Variants in TYW1 observed in about 807,000 individuals in gnomAD.
The protein encoded by TYW1 is tRNA-yW synthesizing protein 1 homolog.
TYW1 carries 46 observed loss-of-function variants against 96.2 expected under a neutral mutation model. That is an observed-to-expected ratio of 0.48 (90% CI 0.38 to 0.61). The LOEUF (loss-of-function observed/expected upper bound fraction) is 0.61. TYW1 is among the 20% of genes least tolerant of loss of function. TYW1 has a pLI of 0.00. For missense variants in TYW1, 684 were observed against 909.6 expected, an observed-to-expected ratio of 0.75 and a Z score of 3.19; for synonymous variants, 274 against 323.0, an observed-to-expected ratio of 0.85 and a Z score of 1.63.
intron 13 of TYW1, among the ~76,000 whole-genome samples, chr7:67,140,393 T>A (rs1416410575): frequency 6.6e-6 from 1 of 152,192 alleles, no homozygotes. Context: ...AAAGACTTTT[T>A]AAATACAATT....
chr7:67,237,167 T>C (rs899307321), intron 15 of TYW1, among the ~76,000 whole-genome samples: 6 of 149,806 alleles, frequency 4.0e-5, no homozygotes, highest in African/African-American at 1.2e-4. Context: ...ATGACAGGCG[T>C]GAGCCACCGT....
intron 13 of TYW1, among the ~76,000 whole-genome samples, chr7:67,177,350 C>T (rs185581392): frequency 1.3e-3 from 191 of 151,584 alleles, no homozygotes; most frequent in Middle Eastern, 6.8e-3. Context: ...ATGAAAGAAA[C>T]GCTAATAAGG....
At position 67,081,891 on chromosome 7, in the gene TYW1, G is replaced by C. The variant is rs955879206; in HGVS notation, c.1275-1539G>C. On this transcript the variant is annotated intron_variant, in intron 10 of 15. Transcript: ENST00000359626. ...AATTCAGACATTGTTTGTTCTCCTT[G>C]ATCTAGTATGTTGTTGAAACTCTGA... is the stretch of plus-strand genomic sequence containing the variant. Among the ~76,000 whole-genome samples the C allele has an allele frequency of 3.5e-5, 5 of 142,052 alleles. No individual in the cohort carries two copies. In the Admixed American group the frequency reaches 3.7e-4, roughly 10 times the overall value. 93.2% of individuals were successfully genotyped at this position (142,052 alleles called of 152,430 possible).
At chr7:67,093,658 CTTGAG>C (rs1796792791) in intron 11 of TYW1, among the ~76,000 whole-genome samples, 1 of 152,110 alleles carries the variant, frequency 6.6e-6, no homozygotes, top group South Asian at 2.1e-4. Flanking sequence ...CCTTGTTTTA[CTTGAG>C]TTAAGATCTT....
At chr7:67,106,769 C>T (rs1797257454) in intron 12 of TYW1, among the ~76,000 whole-genome samples, 1 of 152,128 alleles carries the variant, frequency 6.6e-6, no homozygotes, top group African/African-American at 2.4e-5. Context: ...CATTTAGAAT[C>T]TCATAGCTCT....
rs555679919 is a variant in TYW1 at position 67,107,090 on chromosome 7, G to A, written c.1562+8372G>A. The stretch of plus-strand genomic sequence containing the variant: ...CTCTATAAACTGGATGTCTCTTTAC[G>A]TATTAGGTGCATAGTATATGTTTGA... On this transcript the variant is annotated intron_variant, in intron 12 of 15. Coordinates refer to ENST00000359626, the MANE Select transcript of TYW1 (RefSeq NM_018264.4). 5.3e-5 allele frequency among the ~76,000 whole-genome samples: 8 copies of A among 152,242 alleles called. No homozygotes were observed. In the South Asian group the frequency reaches 6.2e-4, roughly 12 times the overall value.
intron 13 of TYW1, among the ~76,000 whole-genome samples, chr7:67,157,956 AG>A (rs1319541586): frequency 6.6e-6 from 1 of 152,240 alleles, no homozygotes; most frequent in East Asian, 1.9e-4. Flanking sequence ...TGATTAGTAA[AG>A]ACTGTTATGT....
intron 12 of TYW1, among the ~76,000 whole-genome samples, chr7:67,102,787 G>T (rs1348366136): frequency 6.6e-6 from 1 of 152,132 alleles, no homozygotes; most frequent in Non-Finnish European, 1.5e-5. Context: ...GAGTAGCTGG[G>T]ACTACAGGCA....
At chr7:67,008,619 TC>T (rs1280144628) in intron 3 of TYW1, among the ~76,000 whole-genome samples, 1 of 152,216 alleles carries the variant, frequency 6.6e-6, no homozygotes, top group African/African-American at 2.4e-5. Flanking sequence ...TCAACCGGCT[TC>T]TTTTCATGTT....
intron 11 of TYW1, among the ~76,000 whole-genome samples, chr7:67,090,214 A>G (rs2115811711): frequency 6.6e-6 from 1 of 152,310 alleles, no homozygotes; most frequent in East Asian, 1.9e-4. Flanking sequence ...TGTTTTCAGA[A>G]ACTAATTTAT....
At chr7:67,077,380 C>T (rs1216710160) in intron 10 of TYW1, among the ~76,000 whole-genome samples, 1 of 152,110 alleles carries the variant, frequency 6.6e-6, no homozygotes, top group Non-Finnish European at 1.5e-5. Context: ...ATAAGAGTTC[C>T]CTTTCTCCAC....
At chr7:67,197,536 G>A (rs1448363432) in intron 15 of TYW1, among the ~76,000 whole-genome samples, 2 of 152,190 alleles carry the variant, frequency 1.3e-5, no homozygotes, top group East Asian at 3.9e-4. Flanking sequence ...GTGTTAGCCA[G>A]GCTGGTTTCG....
intron 3 of TYW1, among the ~76,000 whole-genome samples, chr7:67,002,846 T>G (rs1793450328): frequency 8.0e-6 from 1 of 124,898 alleles, no homozygotes; most frequent in Non-Finnish European, 1.8e-5. Flanking sequence ...TCTTTTTCTT[T>G]TTCTTTTTTC....
At chr7:67,149,722 A>AATC (rs762217563) in intron 13 of TYW1, among the ~76,000 whole-genome samples, 2 of 140,120 alleles carry the variant, frequency 1.4e-5, no homozygotes, top group Admixed American at 7.2e-5. Flanking sequence ...AGGAAAAAAA[A>AATC]TATCTATCTA....
chr7:67,006,349 C>T (rs1327551714), intron 3 of TYW1, among the ~76,000 whole-genome samples: 4 of 151,946 alleles, frequency 2.6e-5, no homozygotes, highest in Non-Finnish European at 4.4e-5. Flanking sequence ...AAGCAGATGC[C>T]GTTACACTTC....
At chr7:67,118,686 G>C (rs921141115) in intron 13 of TYW1, among the ~76,000 whole-genome samples, 20 of 151,872 alleles carry the variant, frequency 1.3e-4, no homozygotes, top group African/African-American at 4.6e-4. Context: ...CTTGAGGTCA[G>C]GAGTTCAAGA....
chr7:67,191,151 C>T (rs60864323), intron 14 of TYW1, among the ~76,000 whole-genome samples: 8,558 of 152,152 alleles, frequency 0.056, 507 homozygotes, highest in East Asian at 0.18. Context: ...GAGAGACAGA[C>T]GGACGGACAG....
intron 4 of TYW1, among the ~76,000 whole-genome samples, chr7:67,013,082 A>AT (rs1410686084): frequency 6.6e-6 from 1 of 150,768 alleles, no homozygotes; most frequent in Non-Finnish European, 1.5e-5. Flanking sequence ...TTATTAGATA[A>AT]TTTTTTAGAG....
intron 11 of TYW1, among the ~76,000 whole-genome samples, chr7:67,087,283 A>G (rs545509059): frequency 1.3e-5 from 2 of 152,330 alleles, no homozygotes; most frequent in South Asian, 2.1e-4. Context: ...CCTGTGCAGA[A>G]AGGGGTGTCC....
Sources: allele counts gnomAD v4.1 joint callset (sites outside exome capture counted in the v4.1 genomes callset), GRCh38; gene constraint gnomAD v4.1.1; transcripts MANE v1.5; gene names NCBI Gene and HGNC (gene_info 2026-07-23, HGNC 2026-07-21).